Variants in TNR observed in about 807,000 individuals in gnomAD.
TNR encodes tenascin R.
Under a neutral mutation model 150.4 loss-of-function variants are expected in TNR, and 45 were observed. The observed-to-expected ratio is 0.30, with a 90% CI of 0.24 to 0.38. The LOEUF (loss-of-function observed/expected upper bound fraction) is 0.38. Ranked by LOEUF, TNR falls within the 10% of genes least tolerant of loss-of-function variation. TNR has a pLI of 1.00. For synonymous variants in TNR, 687 were observed against 678.4 expected, an observed-to-expected ratio of 1.01 and a Z score of -0.20; for missense variants, 1,544 against 1,759.1, an observed-to-expected ratio of 0.88 and a Z score of 2.19.
At chr1:175,378,423 A>C (rs991579523) in intron 9 of TNR, among the ~76,000 whole-genome samples, 1 of 152,194 alleles carries the variant, frequency 6.6e-6, no homozygotes, top group Non-Finnish European at 1.5e-5. Flanking sequence ...GGAGACTGAC[A>C]GTCAAATAGT....
intron 5 of TNR, 29 bp from the exon 6 acceptor site, chr1:175,393,924 TC>T: frequency 6.5e-7 from 1 of 1,546,534 alleles, no homozygotes. Context: ...GGTGACAATG[TC>T]ATGGCTAACC....
At chr1:175,348,759 G>A (rs7531830) in intron 18 of TNR, among the ~76,000 whole-genome samples, 124,588 of 152,112 alleles carry the variant, frequency 0.82, 51,426 homozygotes, top group African/African-American at 0.93. Flanking sequence ...ACTAATACCA[G>A]TATAAAATAG....
At chr1:175,584,337 T>C (rs1391322519) in intron 1 of TNR, among the ~76,000 whole-genome samples, 1 of 152,066 alleles carries the variant, frequency 6.6e-6, no homozygotes, top group African/African-American at 2.4e-5. Flanking sequence ...AGCCAAGGAA[T>C]GACAAGAATT....
intron 1 of TNR, among the ~76,000 whole-genome samples, chr1:175,529,373 GA>G (rs1659976520): frequency 6.6e-6 from 1 of 152,198 alleles, no homozygotes; most frequent in African/African-American, 2.4e-5. Context: ...AGGACCTCAT[GA>G]AACCCTCAGA....
intron 1 of TNR, among the ~76,000 whole-genome samples, chr1:175,682,690 G>T (rs913981480): frequency 8.5e-5 from 13 of 152,076 alleles, no homozygotes; most frequent in Non-Finnish European, 1.8e-4. Context: ...TGTCAGTTCT[G>T]CTCCCTTCCT....
At chr1:175,648,111 C>T (rs1664857976) in intron 1 of TNR, among the ~76,000 whole-genome samples, 2 of 152,114 alleles carry the variant, frequency 1.3e-5, no homozygotes, top group South Asian at 4.1e-4. Flanking sequence ...TCTGCTACCT[C>T]TGGCTTGGGA....
intron 1 of TNR, among the ~76,000 whole-genome samples, chr1:175,710,216 G>A (rs1375200812): frequency 1.3e-5 from 2 of 152,246 alleles, no homozygotes; most frequent in African/African-American, 2.4e-5. Context: ...CAGGCCTAGA[G>A]TGATGGCAAA....
chr1:175,475,830 G>A (rs1657525385), intron 2 of TNR, among the ~76,000 whole-genome samples: 1 of 152,130 alleles, frequency 6.6e-6, no homozygotes, highest in Non-Finnish European at 1.5e-5. Context: ...ATATAAGAAG[G>A]AGAATCCAAG....
Position 175,639,216 on chromosome 1 carries a change from G to T in TNR, c.-165+104010C>A, listed in dbSNP as rs747481784. On this transcript the variant is annotated intron_variant, in intron 1 of 22. Coordinates refer to ENST00000367674, the MANE Select transcript of TNR (RefSeq NM_003285.3). ...CCACTGAGGAGAGCAAAGATTACCT[G>T]GTGACCATCAAACAGATCATCTGGA... Among the ~76,000 whole-genome samples the T allele has an allele frequency of 4.9e-4, 75 of 152,130 alleles. 1 individual carries two copies. Among genetic ancestry groups the T allele is most frequent in the Admixed American group, 1.6e-3 (25 of 15,280 alleles).
intron 2 of TNR, among the ~76,000 whole-genome samples, chr1:175,509,439 G>A (rs1312712837): frequency 1.3e-5 from 2 of 152,198 alleles, no homozygotes; most frequent in South Asian, 4.2e-4. Flanking sequence ...CTTCTGCTCC[G>A]AGTTTTTCTC....
intron 1 of TNR, among the ~76,000 whole-genome samples, chr1:175,627,620 C>T (rs569262725): frequency 7.0e-4 from 106 of 152,276 alleles, no homozygotes; most frequent in Non-Finnish European, 1.3e-3. Context: ...GTAGTTTGCA[C>T]CAGGCTTAGA....
intron 1 of TNR, among the ~76,000 whole-genome samples, chr1:175,705,873 T>C (rs1157581270): frequency 6.6e-6 from 1 of 152,214 alleles, no homozygotes. Context: ...ATCCACTAAG[T>C]TCTTTTCCAC....
At chr1:175,740,698 T>G (rs972694329) in intron 1 of TNR, among the ~76,000 whole-genome samples, 3 of 152,164 alleles carry the variant, frequency 2.0e-5, no homozygotes, top group African/African-American at 7.2e-5. Flanking sequence ...AAAGTGAGTT[T>G]GTATCCAGTT....
intron 1 of TNR, among the ~76,000 whole-genome samples, chr1:175,685,552 T>C (rs1258753104): frequency 6.6e-6 from 1 of 152,154 alleles, no homozygotes; most frequent in Non-Finnish European, 1.5e-5. Flanking sequence ...GCCAATATTC[T>C]CTCAAATGGG....
Position 175,579,720 on chromosome 1 carries a change from G to T in TNR, c.-164-51351C>A, listed in dbSNP as rs1571632759. Among the ~76,000 whole-genome samples the T allele has an allele frequency of 2.0e-5, 3 of 151,834 alleles. No homozygotes were observed. The Middle Eastern group carries it at 0.01, about 516-fold the overall frequency. On this transcript the variant is annotated intron_variant, in intron 1 of 22. Coordinates refer to ENST00000367674, the MANE Select transcript of TNR (RefSeq NM_003285.3). ...GAGAAGAAATGGGGTAGGAGACAAAGAGGCCAGGGCAGGGGTTCCGTCCTT... is the reference window on the plus strand; with the variant it reads ...GAGAAGAAATGGGGTAGGAGACAAATAGGCCAGGGCAGGGGTTCCGTCCTT...
chr1:175,662,652 G>A (rs77356410), intron 1 of TNR, among the ~76,000 whole-genome samples: 62 of 152,330 alleles, frequency 4.1e-4, no homozygotes, highest in African/African-American at 1.5e-3. Context: ...GATGCAAACA[G>A]AATGGAGCTG....
chr1:175,347,979 G>A (rs1363405834), intron 18 of TNR, among the ~76,000 whole-genome samples: 1 of 152,108 alleles, frequency 6.6e-6, no homozygotes, highest in Non-Finnish European at 1.5e-5. Context: ...GCCATTATTT[G>A]TAGATGACAT....
At chr1:175,679,287 A>C (rs920190691) in intron 1 of TNR, among the ~76,000 whole-genome samples, 25 of 152,314 alleles carry the variant, frequency 1.6e-4, no homozygotes, top group Non-Finnish European at 2.2e-4. Flanking sequence ...TCCTTGTGCC[A>C]CGGGGCAGGC....
intron 2 of TNR, among the ~76,000 whole-genome samples, chr1:175,480,555 T>C (rs1457569629): frequency 6.6e-6 from 1 of 152,246 alleles, no homozygotes; most frequent in Non-Finnish European, 1.5e-5. Flanking sequence ...TCTCTGGTCA[T>C]AATGACTTGA....
Sources: allele counts gnomAD v4.1 joint callset (sites outside exome capture counted in the v4.1 genomes callset), GRCh38; gene constraint gnomAD v4.1.1; transcripts MANE v1.5; gene names NCBI Gene and HGNC (gene_info 2026-07-23, HGNC 2026-07-21).